Variants in PPP2R2B observed in about 807,000 individuals in gnomAD.
The protein encoded by PPP2R2B is serine/threonine-protein phosphatase 2A 55 kDa regulatory subunit B beta isoform.
Under a neutral mutation model 46.0 loss-of-function variants are expected in PPP2R2B, and 5 were observed. The observed-to-expected ratio is 0.11, with a 90% CI of 0.06 to 0.23. The LOEUF is 0.23. Ranked by LOEUF, PPP2R2B falls within the 10% of genes least tolerant of loss-of-function variation. The probability of loss-of-function intolerance (pLI) is 1.00; values close to 1 mark genes in which losing one functional copy is unlikely to be tolerated. For synonymous variants in PPP2R2B, 215 were observed against 206.7 expected, an observed-to-expected ratio of 1.04 and a Z score of -0.34; for missense variants, 367 against 575.0, an observed-to-expected ratio of 0.64 and a Z score of 3.70.
At chr5:146,837,057 A>T (rs1463785216) in intron 2 of PPP2R2B, among the ~76,000 whole-genome samples, 3 of 152,274 alleles carry the variant, frequency 2.0e-5, no homozygotes, top group Non-Finnish European at 1.5e-5. Flanking sequence ...AGAAGGAAAA[A>T]TAATCCACAA....
At chr5:146,838,570 CAAAAAAA>C (rs67308237) in intron 2 of PPP2R2B, among the ~76,000 whole-genome samples, 1 of 97,298 alleles carries the variant, frequency 1.0e-5, no homozygotes, top group Non-Finnish European at 2.2e-5. Context: ...GCCTCCATCT[CAAAAAAA>C]AAAAAAAGAA....
intron 1 of PPP2R2B, among the ~76,000 whole-genome samples, chr5:146,935,112 A>G (rs962506585): frequency 1.3e-5 from 2 of 152,234 alleles, no homozygotes; most frequent in African/African-American, 4.8e-5. Context: ...CTTAAAATCT[A>G]TCTGTGCCTC....
At chr5:146,659,228 T>G (rs1776534664) in intron 5 of PPP2R2B, among the ~76,000 whole-genome samples, 2 of 152,252 alleles carry the variant, frequency 1.3e-5, no homozygotes, top group African/African-American at 4.8e-5. Context: ...ATATAAAAGC[T>G]TTATTTTAAA....
intron 2 of PPP2R2B, among the ~76,000 whole-genome samples, chr5:146,747,360 T>G (rs1753257090): frequency 6.6e-6 from 1 of 152,178 alleles, no homozygotes. Flanking sequence ...GAGGCCAAAA[T>G]GAACTGTTCA....
chr5:146,942,371 A>G (rs890992441), intron 1 of PPP2R2B, among the ~76,000 whole-genome samples: 1 of 152,200 alleles, frequency 6.6e-6, no homozygotes, highest in Non-Finnish European at 1.5e-5. Context: ...ATATTTCTCA[A>G]AACAAATGTT....
At chr5:147,007,419 T>C (rs1431910598) in intron 1 of PPP2R2B, among the ~76,000 whole-genome samples, 1 of 152,032 alleles carries the variant, frequency 6.6e-6, no homozygotes, top group Non-Finnish European at 1.5e-5. Flanking sequence ...TGTGTCTAGC[T>C]AAAGGTTTGT....
intron 7 of PPP2R2B, among the ~76,000 whole-genome samples, chr5:146,619,302 T>TAA (rs34725004): frequency 0.029 from 3,287 of 112,832 alleles, 107 homozygotes; most frequent in African/African-American, 0.074. Flanking sequence ...CCGTCTCTAC[T>TAA]AAAAAAAAAA....
chr5:146,680,887 T>C (rs1249775360), intron 5 of PPP2R2B, among the ~76,000 whole-genome samples: 2 of 152,184 alleles, frequency 1.3e-5, no homozygotes, highest in African/African-American at 4.8e-5. Context: ...ATAAAATATA[T>C]TTTTCTGTTG....
chr5:146,914,633 T>C (rs377216725), intron 1 of PPP2R2B, among the ~76,000 whole-genome samples: 5 of 152,114 alleles, frequency 3.3e-5, no homozygotes, highest in East Asian at 3.8e-4. Flanking sequence ...TGCAAAAAAA[T>C]GTTGTTGGCC....
At chr5:146,893,882 G>GAA (rs11341457) in intron 1 of PPP2R2B, among the ~76,000 whole-genome samples, 2 of 121,300 alleles carry the variant, frequency 1.6e-5, no homozygotes, top group African/African-American at 3.1e-5. Flanking sequence ...AAGTAAAATT[G>GAA]AAAAAAAAAA....
intron 2 of PPP2R2B, among the ~76,000 whole-genome samples, chr5:147,069,574 G>A (rs1426877584): frequency 6.6e-6 from 1 of 152,034 alleles, no homozygotes; most frequent in Non-Finnish European, 1.5e-5. Context: ...TTCTGGCCAT[G>A]CCTGGATTGC....
At chr5:146,882,555 C>T (rs1367035251), upstream of PPP2R2B, among the ~76,000 whole-genome samples, 2 of 152,098 alleles carry the variant, frequency 1.3e-5, no homozygotes, top group Non-Finnish European at 2.9e-5. Flanking sequence ...GTATTTGTTT[C>T]ATAGAGTTAT....
chr5:146,982,637 G>A (rs1753228938), intron 1 of PPP2R2B, among the ~76,000 whole-genome samples: 2 of 152,118 alleles, frequency 1.3e-5, no homozygotes, highest in Non-Finnish European at 2.9e-5. Flanking sequence ...GGTTGTCGAA[G>A]TCTCCAACTA....
intron 1 of PPP2R2B, among the ~76,000 whole-genome samples, chr5:146,984,364 G>C (rs11742231): frequency 0.51 from 77,287 of 152,028 alleles, 20,506 homozygotes; most frequent in Middle Eastern, 0.61. Context: ...TGCCTTATTT[G>C]ACTTAGCATA....
chr5:146,826,073 G>A (rs1283484936), intron 2 of PPP2R2B, among the ~76,000 whole-genome samples: 1 of 152,138 alleles, frequency 6.6e-6, no homozygotes, highest in African/African-American at 2.4e-5. Flanking sequence ...ATAATTCAAA[G>A]ATTAATACCC....
chr5:146,965,639 G>A (rs1263977112), intron 1 of PPP2R2B, among the ~76,000 whole-genome samples: 2 of 152,316 alleles, frequency 1.3e-5, no homozygotes, highest in Non-Finnish European at 2.9e-5. Flanking sequence ...CTTGCTTTGC[G>A]TCAGCTTCCA....
chr5:146,709,819 G>C (rs982317223), intron 2 of PPP2R2B, among the ~76,000 whole-genome samples: 1 of 152,140 alleles, frequency 6.6e-6, no homozygotes, highest in Admixed American at 6.5e-5. Flanking sequence ...GTCTGAAATT[G>C]TTAAACCCTG....
chr5:146,856,663 C>A (rs986661378), intron 2 of PPP2R2B: 1 of 988,284 alleles, frequency 1.0e-6, no homozygotes, highest in African/African-American at 1.6e-5. Flanking sequence ...GGTGCATTTA[C>A]ATACTTTCCA....
At chr5:146,615,531 GAAAA>G (rs1253673718) in intron 7 of PPP2R2B, among the ~76,000 whole-genome samples, 1 of 111,178 alleles carries the variant, frequency 9.0e-6, no homozygotes, top group Non-Finnish European at 1.9e-5. Flanking sequence ...AAAAAAAAAA[GAAAA>G]AAAAAACTAT....
Sources: gnomAD v4.1 joint callset for allele counts (sites outside exome capture counted in the v4.1 genomes callset) on GRCh38, gnomAD v4.1.1 for gene constraint, MANE v1.5 for transcripts, NCBI Gene and HGNC (gene_info 2026-07-23, HGNC 2026-07-21) for gene names.